The following TRPM3 variants were observed in gnomAD, a reference collection of about 807,000 sequenced individuals.
TRPM3 encodes transient receptor potential cation channel subfamily M member 3.
A neutral mutation model predicts 181.2 loss-of-function variants in TRPM3; 77 were observed. The ratio of observed to expected loss-of-function variants is 0.42; its 90% CI spans 0.35 to 0.51. The LOEUF is 0.51. TRPM3 is among the 20% of genes least tolerant of loss of function. The probability of loss-of-function intolerance (pLI) is 0.01; values close to 1 mark genes in which losing one functional copy is unlikely to be tolerated. For synonymous variants in TRPM3, 745 were observed against 796.4 expected, an observed-to-expected ratio of 0.94 and a Z score of 1.09; for missense variants, 1,759 against 2,196.7, an observed-to-expected ratio of 0.80 and a Z score of 3.98.
intron 8 of TRPM3, among the ~76,000 whole-genome samples, chr9:70,745,464 T>C (rs2074983666): frequency 6.6e-6 from 1 of 152,184 alleles, no homozygotes; most frequent in Non-Finnish European, 1.5e-5. Context: ...CTTTCCACTA[T>C]TTTATTTAAA....
intron 1 of TRPM3, among the ~76,000 whole-genome samples, chr9:71,262,755 G>GTCCCTC (rs1326489248): frequency 6.6e-6 from 1 of 152,080 alleles, no homozygotes; most frequent in Non-Finnish European, 1.5e-5. Context: ...TCACAGCACG[G>GTCCCTC]TCCCTCACAG....
At chr9:71,233,360 A>T (rs911980512) in intron 1 of TRPM3, among the ~76,000 whole-genome samples, 1 of 152,194 alleles carries the variant, frequency 6.6e-6, no homozygotes, top group Non-Finnish European at 1.5e-5. Context: ...AATTAAGGTA[A>T]AGTTTCAGTA....
intron 1 of TRPM3, among the ~76,000 whole-genome samples, chr9:70,874,245 T>G (rs2095837119): frequency 6.6e-6 from 1 of 151,984 alleles, no homozygotes; most frequent in African/African-American, 2.4e-5. Flanking sequence ...GAAATTTGTT[T>G]CTTCATTATG....
chr9:70,894,825 T>C (rs2096259974), intron 1 of TRPM3, among the ~76,000 whole-genome samples: 1 of 152,176 alleles, frequency 6.6e-6, no homozygotes, highest in South Asian at 2.1e-4. Flanking sequence ...TGAGGATCTG[T>C]GTCTTCAAGA....
chr9:70,614,888 T>C (rs893198749), intron 18 of TRPM3, among the ~76,000 whole-genome samples: 6 of 152,236 alleles, frequency 3.9e-5, no homozygotes, highest in Non-Finnish European at 7.3e-5. Flanking sequence ...GGTGAGATTG[T>C]TAGGGAAGAC....
chr9:70,648,363 C>A (rs2059172064), intron 9 of TRPM3, among the ~76,000 whole-genome samples: 1 of 152,050 alleles, frequency 6.6e-6, no homozygotes, highest in South Asian at 2.1e-4. Context: ...GTGGTCCCAG[C>A]CACTTGGGAG....
chr9:71,319,667 A>G (rs967647100), intron 1 of TRPM3, among the ~76,000 whole-genome samples: 1 of 152,170 alleles, frequency 6.6e-6, no homozygotes, highest in Non-Finnish European at 1.5e-5. Context: ...AGTCAAGCTG[A>G]CACATAAAAT....
rs2062797501 is a variant in TRPM3 at position 71,071,779 on chromosome 9, C to G, written c.177+49399G>C. On this transcript the variant is annotated intron_variant, in intron 1 of 25. Coordinates refer to ENST00000677713, the MANE Select transcript of TRPM3 (RefSeq NM_001366145.2). ...GGTGCTGAGAGATTCATTTAACACT[C>G]CTGAACCTGCAATGTAAGTGGAGAT... is the stretch of plus-strand genomic sequence containing the variant. 3.3e-5 allele frequency among the ~76,000 whole-genome samples: 5 copies of G among 152,238 alleles called. No homozygotes were observed. In the South Asian group the frequency reaches 1.0e-3, roughly 32 times the overall value.
chr9:70,637,258 G>A (rs1426459638), intron 11 of TRPM3, among the ~76,000 whole-genome samples: 2 of 152,156 alleles, frequency 1.3e-5, no homozygotes, highest in Non-Finnish European at 2.9e-5. Flanking sequence ...ATCTGATGGG[G>A]TTGTTGTGAG....
intron 22 of TRPM3, among the ~76,000 whole-genome samples, chr9:70,557,666 AC>A (rs2048051601): frequency 6.6e-6 from 1 of 152,150 alleles, no homozygotes; most frequent in South Asian, 2.1e-4. Context: ...CGGGACATGC[AC>A]CCAAGATGGC....
intron 6 of TRPM3, among the ~76,000 whole-genome samples, chr9:70,803,989 T>A (rs1190809064): frequency 1.3e-5 from 2 of 152,082 alleles, no homozygotes; most frequent in Admixed American, 6.5e-5. Flanking sequence ...TTTTCCCACC[T>A]CTAGGAGACT....
intron 20 of TRPM3, among the ~76,000 whole-genome samples, chr9:70,602,125 A>T (rs376094858): frequency 9.4e-4 from 26 of 27,602 alleles, no homozygotes; most frequent in Admixed American, 1.6e-3. Flanking sequence ...TTTTTTTTTT[A>T]AATCCAGGCT....
chr9:70,687,240 T>C (rs965696562), intron 8 of TRPM3, among the ~76,000 whole-genome samples: 3 of 152,180 alleles, frequency 2.0e-5, no homozygotes, highest in African/African-American at 7.2e-5. Flanking sequence ...TGATTTTGTC[T>C]TTTTTGTGTT....
chr9:71,432,731 G>A (rs1441109106), intron 1 of TRPM3, among the ~76,000 whole-genome samples: 1 of 152,060 alleles, frequency 6.6e-6, no homozygotes, highest in Non-Finnish European at 1.5e-5. Flanking sequence ...GTGTTTAGAG[G>A]GATGACTTTG....
intron 8 of TRPM3, among the ~76,000 whole-genome samples, chr9:70,755,442 C>G (rs1037355357): frequency 1.3e-5 from 2 of 151,598 alleles, no homozygotes; most frequent in African/African-American, 4.9e-5. Flanking sequence ...ATGATCTTGG[C>G]TCACTGCAAC....
At chr9:71,291,166 T>C (rs1414446914) in intron 1 of TRPM3, among the ~76,000 whole-genome samples, 1 of 152,176 alleles carries the variant, frequency 6.6e-6, no homozygotes, top group East Asian at 1.9e-4. Flanking sequence ...GAGACAGTCT[T>C]GTCAAGTGCC....
intron 25 of TRPM3, among the ~76,000 whole-genome samples, chr9:70,541,831 A>AT (rs2043454832): frequency 6.6e-6 from 1 of 152,042 alleles, no homozygotes; most frequent in Non-Finnish European, 1.5e-5. Flanking sequence ...CTTTAAAAAA[A>AT]TTTTTTTGAG....
intron 3 of TRPM3, among the ~76,000 whole-genome samples, chr9:70,860,351 C>T (rs145249529): frequency 1.4e-4 from 21 of 152,226 alleles, no homozygotes; most frequent in African/African-American, 1.9e-4. Flanking sequence ...CCTCTCTTTC[C>T]GGTACAGTAA....
At chr9:71,127,050 C>T (rs2074077239) in intron 1 of TRPM3, among the ~76,000 whole-genome samples, 1 of 135,294 alleles carries the variant, frequency 7.4e-6, no homozygotes, top group African/African-American at 2.8e-5. Flanking sequence ...CACGTGATGG[C>T]ATAGAGTTTT....
Sources: allele counts gnomAD v4.1 joint callset (sites outside exome capture counted in the v4.1 genomes callset), GRCh38; gene constraint gnomAD v4.1.1; transcripts MANE v1.5; gene names NCBI Gene and HGNC (gene_info 2026-07-23, HGNC 2026-07-21).